SPRYD4: variants seen among roughly 807,000 people sequenced by gnomAD.
SPRYD4 encodes SPRY domain containing 4.
In SPRYD4, 12 loss-of-function variants were observed where a neutral mutation model predicts 16.6. That is an observed-to-expected ratio of 0.72 (90% CI 0.46 to 1.17). SPRYD4 has a LOEUF of 1.17. Ranked by LOEUF, SPRYD4 falls within the 50% of genes most tolerant of loss-of-function variation. SPRYD4 has a pLI of 0.00. For synonymous variants in SPRYD4, 98 were observed against 105.4 expected, an observed-to-expected ratio of 0.93 and a Z score of 0.43; for missense variants, 260 against 260.2, an observed-to-expected ratio of 1.00 and a Z score of 0.00.
chr12:56,472,198 G>T lies in SPRYD4; in HGVS notation c.*2621G>T. 6.2e-7 allele frequency: 1 copy of T among 1,614,100 alleles called. No individual in the cohort carries two copies. Among genetic ancestry groups the T allele is most frequent in the South Asian group, 1.1e-5 (1 of 91,080 alleles). ...TATCCATGGCTGACAAGGCAAACCT[G>T]AGGGTAGTGGGAAAGCAGCTAGAGT... On this transcript the variant is annotated 3_prime_UTR_variant, in exon 2 of 2. Coordinates refer to ENST00000338146, the MANE Select transcript of SPRYD4 (RefSeq NM_207344.4).
Position 56,475,818 on chromosome 12 carries a change from C to A in SPRYD4, c.*6241C>A. 3 of 1,408,758 alleles carry A rather than the reference C, an allele frequency of 2.1e-6. No individual in the cohort carries two copies. The highest frequency in any genetic ancestry group is 3.0e-6 in the Non-Finnish European group (3 of 998,094). 87.3% of individuals were successfully genotyped at this position (1,408,758 alleles called of 1,614,324 possible). A position where few individuals can be genotyped will look rare whatever the true frequency, so the allele number is the denominator to read the frequency against. On this transcript the variant is annotated 3_prime_UTR_variant, in exon 2 of 2. Transcript: ENST00000338146. Reference sequence around the variant, plus strand: ...CTGAGGCCAGCAGATTTCCACATTTCTGGAAATAAGGCTTCTAGTATGGGC... The same window carrying A: ...CTGAGGCCAGCAGATTTCCACATTTATGGAAATAAGGCTTCTAGTATGGGC...
rs951039466 is a variant in SPRYD4, at chr12:56,472,960, G to A, written c.*3383G>A. 1.9e-5 allele frequency: 11 copies of A among 584,794 alleles called. No individual in the cohort carries two copies. Among genetic ancestry groups the A allele is most frequent in the Non-Finnish European group, 3.3e-5 (11 of 336,204 alleles). 36.2% of individuals were successfully genotyped at this position (584,794 alleles called of 1,614,324 possible). On this transcript the variant is annotated 3_prime_UTR_variant, in exon 2 of 2. Coordinates refer to ENST00000338146, the MANE Select transcript of SPRYD4 (RefSeq NM_207344.4). ...TGAAGTGTAGTGGCGCGCGGTCTTG[G>A]CTCACTGCAACCTCTGCCTCCCGGT...
chr12:56,472,941 G>A lies in SPRYD4; in HGVS notation c.*3364G>A, dbSNP rs1592272646. 1.8e-6 allele frequency: 1 copy of A among 557,162 alleles called. No homozygotes were observed. Among genetic ancestry groups the A allele is most frequent in the African/African-American group, 2.0e-5 (1 of 49,772 alleles). The allele number at this position is 557,162 out of a possible 1,614,324, so 34.5% of individuals were successfully genotyped here. ...CTCGCTCTGTCGTTCAGGCTGAAGTGTAGTGGCGCGCGGTCTTGGCTCACT... is the reference window on the plus strand; with the variant it reads ...CTCGCTCTGTCGTTCAGGCTGAAGTATAGTGGCGCGCGGTCTTGGCTCACT... On this transcript the variant is annotated 3_prime_UTR_variant, in exon 2 of 2. Coordinates refer to ENST00000338146, the MANE Select transcript of SPRYD4 (RefSeq NM_207344.4).
Position 56,475,989 on chromosome 12 carries a change from G to C in SPRYD4, c.*6412G>C. 1.2e-6 allele frequency: 2 copies of C among 1,611,880 alleles called. No individual in the cohort carries two copies. Among genetic ancestry groups the C allele is most frequent in the South Asian group, 2.2e-5 (2 of 91,044 alleles). On this transcript the variant is annotated 3_prime_UTR_variant, in exon 2 of 2. Transcript: ENST00000338146. Reference sequence around the variant, plus strand: ...TTGTTACAGTCCATCTGCAGAGAAAGAGAGAGATGTCAGCATTCTAAGTGT... The same window carrying C: ...TTGTTACAGTCCATCTGCAGAGAAACAGAGAGATGTCAGCATTCTAAGTGT...
At position 56,472,927 on chromosome 12, in the gene SPRYD4, G is replaced by A. The variant is rs570568345; in HGVS notation, c.*3350G>A. 24 of 590,088 alleles carry A rather than the reference G, an allele frequency of 4.1e-5. No homozygotes were observed. The highest frequency in any genetic ancestry group is 6.5e-5 in the Admixed American group (2 of 30,884). The allele number at this position is 590,088 out of a possible 1,614,324, so 36.6% of individuals were successfully genotyped here. A position where few individuals can be genotyped will look rare whatever the true frequency, so the allele number is the denominator to read the frequency against. On this transcript the variant is annotated 3_prime_UTR_variant, in exon 2 of 2. Coordinates refer to ENST00000338146, the MANE Select transcript of SPRYD4 (RefSeq NM_207344.4). ...TTTTGAGACGGAGTCTCGCTCTGTCGTTCAGGCTGAAGTGTAGTGGCGCGC... is the reference window on the plus strand; with the variant it reads ...TTTTGAGACGGAGTCTCGCTCTGTCATTCAGGCTGAAGTGTAGTGGCGCGC...
rs1396296705 is a variant in SPRYD4, at chr12:56,473,535, G to T, written c.*3958G>T. 7 of 1,613,530 alleles carry T rather than the reference G, an allele frequency of 4.3e-6. No homozygotes were observed. The highest frequency in any genetic ancestry group is 3.4e-6 in the Non-Finnish European group (4 of 1,180,022). The stretch of plus-strand genomic sequence containing the variant: ...GGGGTGACAGGCACATCATTCCCAT[G>T]ACATTGGGTACCACCAGGAGGATGG... On this transcript the variant is annotated 3_prime_UTR_variant, in exon 2 of 2. Coordinates refer to ENST00000338146, the MANE Select transcript of SPRYD4 (RefSeq NM_207344.4).
rs768394882 is a variant in SPRYD4 at position 56,471,753 on chromosome 12, A to T, written c.*2176A>T. On this transcript the variant is annotated 3_prime_UTR_variant, in exon 2 of 2. Transcript: ENST00000338146. Reference sequence around the variant, plus strand: ...GGAGAAGCTGTGCCCACCCTCCTCCACTTTTAGCCTATTCCTCACCTGTCC... The same window carrying T: ...GGAGAAGCTGTGCCCACCCTCCTCCTCTTTTAGCCTATTCCTCACCTGTCC... 3.3e-5 allele frequency: 54 copies of T among 1,613,944 alleles called. No homozygotes were observed. In the South Asian group the frequency reaches 4.0e-4, roughly 12 times the overall value.
In SPRYD4 at chr12:56,475,080, C is replaced by G. The variant is rs1869685720; in HGVS notation, c.*5503C>G. The G allele has an allele frequency of 6.2e-7, 1 of 1,614,028 alleles. No homozygotes were observed. Among genetic ancestry groups the G allele is most frequent in the South Asian group, 1.1e-5 (1 of 91,086 alleles). On this transcript the variant is annotated 3_prime_UTR_variant, in exon 2 of 2. Transcript: ENST00000338146. Reference sequence around the variant, plus strand: ...TGAGATAATAGCCGATGGCATAATTCCGATCCCCTGTTTCCTTCTCTGACT... The same window carrying G: ...TGAGATAATAGCCGATGGCATAATTGCGATCCCCTGTTTCCTTCTCTGACT...
In SPRYD4 at chr12:56,471,363, C is replaced by G; in HGVS notation, c.*1786C>G. On this transcript the variant is annotated 3_prime_UTR_variant, in exon 2 of 2. Transcript: ENST00000338146. The stretch of plus-strand genomic sequence containing the variant: ...TCCCATAGAAAGCACTAGCCTAAGT[C>G]ACCAAATGACTGCTTGGTCCCCACT... 1 of 1,060,264 alleles carries G rather than the reference C, an allele frequency of 9.4e-7. No homozygotes were observed. 65.7% of individuals were successfully genotyped at this position (1,060,264 alleles called of 1,614,324 possible). A position where few individuals can be genotyped will look rare whatever the true frequency, so the allele number is the denominator to read the frequency against.
rs765341732 is a variant in SPRYD4 at position 56,469,099 on chromosome 12, A to G, written c.146A>G (p.Asp49Gly). The G allele has an allele frequency of 6.2e-7, 1 of 1,612,536 alleles. No individual in the cohort carries two copies. The highest frequency in any genetic ancestry group is 8.5e-7 in the Non-Finnish European group (1 of 1,179,096). The stretch of plus-strand genomic sequence containing the variant: ...AGCAGCCTGGCACTCTTCAGAGATG[A>G]TACGGGTGTCAAATATGGCTTGGTG... The part of the protein sequence containing the change: ...AHSSLALFRD[D>G]TGVKYGLVGL... The change falls in exon 2 of 2, where the codon GAT becomes GGT. Residue 49 changes from aspartate to glycine, a missense_variant. Transcript: ENST00000338146.
chr12:56,474,902 AG>A lies in SPRYD4; in HGVS notation c.*5327del, dbSNP rs551221770. Reference sequence around the variant, plus strand: ...TCCACCCCCTTAGGAAAGCACTGCAAGGAAGAGAGGGGAGAGCATTTCTCTT... The same window carrying A: ...TCCACCCCCTTAGGAAAGCACTGCAAGAAGAGAGGGGAGAGCATTTCTCTT... On this transcript the variant is annotated 3_prime_UTR_variant, in exon 2 of 2. Transcript: ENST00000338146. 250 of 1,614,140 alleles carry A rather than the reference AG, an allele frequency of 1.5e-4. 4 individuals carry two copies. In the South Asian group the frequency reaches 2.7e-3, roughly 17 times the overall value.
In SPRYD4 at chr12:56,469,069, C is replaced by G. The variant is rs1389613894; in HGVS notation, c.116C>G (p.Ala39Gly). ...AGTTTCAAACTGGAAGAAAAAACCGCCCACAGCAGCCTGGCACTCTTCAGA... is the reference window on the plus strand; with the variant it reads ...AGTTTCAAACTGGAAGAAAAAACCGGCCACAGCAGCCTGGCACTCTTCAGA... The part of the protein sequence containing the change: ...GVSFKLEEKT[A>G]HSSLALFRDD... Residue 39 changes from alanine to glycine, a missense_variant, in exon 2 of 2, where the codon GCC becomes GGC. By Grantham distance (60) the Ala-to-Gly change is moderately conservative. Coordinates refer to ENST00000338146, the MANE Select transcript of SPRYD4 (RefSeq NM_207344.4). 1.3e-6 allele frequency: 2 copies of G among 1,575,442 alleles called. No homozygotes were observed. The highest frequency in any genetic ancestry group is 1.4e-5 in the African/African-American group (1 of 73,064).
In SPRYD4 at chr12:56,475,871, G is replaced by T; in HGVS notation, c.*6294G>T. The T allele has an allele frequency of 6.5e-7, 1 of 1,531,116 alleles. No individual in the cohort carries two copies. The highest frequency in any genetic ancestry group is 9.0e-7 in the Non-Finnish European group (1 of 1,105,084). 94.8% of individuals were successfully genotyped at this position (1,531,116 alleles called of 1,614,324 possible). ...GTGCACCTGGTAGTGGGGTTAGAGA[G>T]CCACTGGGGCAGCTGGAGAGGACAG... is the stretch of plus-strand genomic sequence containing the variant. On this transcript the variant is annotated 3_prime_UTR_variant, in exon 2 of 2. Transcript: ENST00000338146.
Position 56,475,184 on chromosome 12 carries a change from C to G in SPRYD4, c.*5607C>G. The G allele has an allele frequency of 6.2e-7, 1 of 1,607,482 alleles. No homozygotes were observed. The highest frequency in any genetic ancestry group is 8.5e-7 in the Non-Finnish European group (1 of 1,179,956). On this transcript the variant is annotated 3_prime_UTR_variant, in exon 2 of 2. Coordinates refer to ENST00000338146, the MANE Select transcript of SPRYD4 (RefSeq NM_207344.4). Reference sequence around the variant, plus strand: ...GGGAGAAGGGGAAAAATTACCTTCCCTGGAGAGACAGAACTACATCACACC... The same window carrying G: ...GGGAGAAGGGGAAAAATTACCTTCCGTGGAGAGACAGAACTACATCACACC...
rs1367905683 is a variant in SPRYD4, at chr12:56,478,151, C to A, written c.*8574C>A. On this transcript the variant is annotated 3_prime_UTR_variant, in exon 2 of 2. Transcript: ENST00000338146. ...TTGGCCTGTGTTCGGCACCTGTGCCCTGCCTCCCCTTCCTCTTGCCCAGCA... is the reference window on the plus strand; with the variant it reads ...TTGGCCTGTGTTCGGCACCTGTGCCATGCCTCCCCTTCCTCTTGCCCAGCA... 6.2e-7 allele frequency: 1 copy of A among 1,614,040 alleles called. No individual in the cohort carries two copies. Among genetic ancestry groups the A allele is most frequent in the Non-Finnish European group, 8.5e-7 (1 of 1,180,010 alleles).
Position 56,475,769 on chromosome 12 carries a change from G to A in SPRYD4, c.*6192G>A. The A allele has an allele frequency of 1.3e-6, 2 of 1,489,712 alleles. No homozygotes were observed. The highest frequency in any genetic ancestry group is 2.3e-5 in the South Asian group (2 of 87,720). The allele number at this position is 1,489,712 out of a possible 1,614,324, so 92.3% of individuals were successfully genotyped here. A position where few individuals can be genotyped will look rare whatever the true frequency, so the allele number is the denominator to read the frequency against. On this transcript the variant is annotated 3_prime_UTR_variant, in exon 2 of 2. Coordinates refer to ENST00000338146, the MANE Select transcript of SPRYD4 (RefSeq NM_207344.4). ...AGGTTGACTAGCCCTTCTGAACTCA[G>A]GTCTTGTCAAGAGGCTTTCCTCTCT...
At position 56,477,871 on chromosome 12, in the gene SPRYD4, T is replaced by G; in HGVS notation, c.*8294T>G. 1 of 1,563,784 alleles carries G rather than the reference T, an allele frequency of 6.4e-7. No individual in the cohort carries two copies. Among genetic ancestry groups the G allele is most frequent in the Non-Finnish European group, 8.7e-7 (1 of 1,150,206 alleles). ...CAGAGAAACAAAAAAGGCTGGGAGA[T>G]GGGGTGGGGATAAGGAGAAGGGGAC... On this transcript the variant is annotated 3_prime_UTR_variant, in exon 2 of 2. Coordinates refer to ENST00000338146, the MANE Select transcript of SPRYD4 (RefSeq NM_207344.4).
Position 56,479,513 on chromosome 12 carries a change from T to C in SPRYD4, c.*9936T>C. The C allele has an allele frequency of 2.4e-6, 1 of 417,328 alleles. No individual in the cohort carries two copies. Among genetic ancestry groups the C allele is most frequent in the South Asian group, 5.1e-5 (1 of 19,436 alleles). The allele number at this position is 417,328 out of a possible 1,614,324, so 25.9% of individuals were successfully genotyped here. On this transcript the variant is annotated 3_prime_UTR_variant, in exon 2 of 2. Transcript: ENST00000338146. ...ATATTCATGTATGTATGTCAGTACA[T>C]AGGACATTATCTAGAAGATACCCAC... is the stretch of plus-strand genomic sequence containing the variant.
Position 56,469,549 on chromosome 12 carries a change from C to T in SPRYD4, c.596C>T (p.Ser199Leu). Reference sequence around the variant, plus strand: ...TGGGATGGGGAGCTGCTGACCCATTCAGGGCTTGAGGTGCCCGAGGGCCTC... The same window carrying T: ...TGGGATGGGGAGCTGCTGACCCATTTAGGGCTTGAGGTGCCCGAGGGCCTC... ...ALWDGELLTH[S>L]GLEVPEGL Residue 199 changes from serine to leucine, a missense_variant, in exon 2 of 2, where the codon TCA becomes TTA. Coordinates refer to ENST00000338146, the MANE Select transcript of SPRYD4 (RefSeq NM_207344.4). 1 of 1,613,928 alleles carries T rather than the reference C, an allele frequency of 6.2e-7. No homozygotes were observed. The highest frequency in any genetic ancestry group is 8.5e-7 in the Non-Finnish European group (1 of 1,179,938).
Sources: allele counts gnomAD v4.1 joint callset, GRCh38; gene constraint gnomAD v4.1.1; transcripts MANE v1.5; gene names NCBI Gene and HGNC (gene_info 2026-07-23, HGNC 2026-07-21).